KREMEN1: variants seen among roughly 807,000 people sequenced by gnomAD.
The protein encoded by KREMEN1 is kremen protein 1.
Under a neutral mutation model 46.5 loss-of-function variants are expected in KREMEN1, and 30 were observed. The ratio of observed to expected loss-of-function variants is 0.65; its 90% confidence interval spans 0.48 to 0.88. The LOEUF (loss-of-function observed/expected upper bound fraction) is 0.88, where lower values mean the gene tolerates loss of function less well. Among genes scored for constraint, KREMEN1 ranks in the 40% least tolerant of loss-of-function variants. The probability of loss-of-function intolerance (pLI) is 0.00; values close to 1 mark genes in which losing one functional copy is unlikely to be tolerated. For missense variants in KREMEN1, 533 were observed against 596.9 expected (o/e 0.89, Z 1.11); for synonymous variants, 214 against 230.6 (o/e 0.93, Z 0.65).
At chr22:29,100,951 T>C (rs915084085) in intron 3 of KREMEN1, among the ~76,000 whole-genome samples, 1 of 152,050 alleles carries the variant, frequency 6.6e-6, no homozygotes, top group Admixed American at 6.6e-5. Flanking sequence ...GAAAAAACCT[T>C]ATAGAAGAAA....
chr22:29,126,129 G>C (rs1407332157), intron 5 of KREMEN1, among the ~76,000 whole-genome samples: 1 of 150,792 alleles, frequency 6.6e-6, no homozygotes, highest in Non-Finnish European at 1.5e-5. Context: ...AAAAAAAAAA[G>C]GCTCGAGATT....
In KREMEN1 at chr22:29,142,220, G is replaced by GTCTTTTT. The variant is rs2038775530; in HGVS notation, c.*108_*109insTCTTTTT. The GTCTTTTT allele has an allele frequency of 7.1e-7, 1 of 1,405,846 alleles. No homozygotes were observed. The highest frequency in any genetic ancestry group is 1.5e-5 in the African/African-American group (1 of 67,936). 87.1% of individuals were successfully genotyped at this position (1,405,846 alleles called of 1,614,324 possible). On this transcript the variant is annotated 3_prime_UTR_variant, in exon 9 of 9. Transcript: ENST00000400335. Reference sequence around the variant, plus strand: ...CAGACTCTTCCCCTCCTCTCCCTCTGCCTCGGCCTCTTCGGGGAAACCCTC... The same window carrying GTCTTTTT: ...CAGACTCTTCCCCTCCTCTCCCTCTGTCTTTTTCCTCGGCCTCTTCGGGGAAACCCTC...
At chr22:29,122,940 CAAAAAAAAAAAAAA>C (rs140855395) in intron 4 of KREMEN1, among the ~76,000 whole-genome samples, 2 of 56,406 alleles carry the variant, frequency 3.5e-5, no homozygotes, top group Admixed American at 3.0e-4. Context: ...GACTCTGTCT[CAAAAAAAAAAAAAA>C]AAAAAAAAAA....
chr22:29,150,356 G>C (rs1163499310), downstream of KREMEN1, among the ~76,000 whole-genome samples: 1 of 152,222 alleles, frequency 6.6e-6, no homozygotes, highest in Non-Finnish European at 1.5e-5. Context: ...AAACCCGTTA[G>C]CTCTGGGTGA....
downstream of KREMEN1, among the ~76,000 whole-genome samples, chr22:29,147,069 G>GTGAC (rs1411314827): frequency 2.6e-5 from 4 of 152,168 alleles, no homozygotes; most frequent in Non-Finnish European, 5.9e-5. Context: ...CATCCAAGGA[G>GTGAC]GGTCAGGGCA....
downstream of KREMEN1, among the ~76,000 whole-genome samples, chr22:29,148,746 C>T (rs149466264): frequency 1.4e-4 from 22 of 152,254 alleles, no homozygotes; most frequent in Admixed American, 5.9e-4. Context: ...TGAGCCACCG[C>T]GCCTGGTGAG....
At chr22:29,080,859 C>T (rs1024103121) in intron 1 of KREMEN1, among the ~76,000 whole-genome samples, 3 of 152,026 alleles carry the variant, frequency 2.0e-5, no homozygotes, top group Non-Finnish European at 2.9e-5. Context: ...AGGAGAGCCC[C>T]CACGCCAAAG....
In KREMEN1 at chr22:29,142,749, C is replaced by T. The variant is rs2038785662; in HGVS notation, c.*637C>T. ...AGGGTCTGAGAATAAGATCTAGTGA[C>T]CCCCATTTATATCAAACCTGATACC... On this transcript the variant is annotated 3_prime_UTR_variant, in exon 9 of 9. Transcript: ENST00000400335. 1 of 985,284 alleles carries T rather than the reference C, an allele frequency of 1.0e-6. No individual in the cohort carries two copies. The highest frequency in any genetic ancestry group is 1.2e-6 in the Non-Finnish European group (1 of 829,920). The allele number at this position is 985,284 out of a possible 1,614,324, so 61.0% of individuals were successfully genotyped here.
chr22:29,106,647 C>A (rs1278131339), intron 3 of KREMEN1, among the ~76,000 whole-genome samples: 5 of 152,142 alleles, frequency 3.3e-5, no homozygotes, highest in Non-Finnish European at 4.4e-5. Context: ...ACCAGGACTC[C>A]TGATAGCTAG....
intron 5 of KREMEN1, among the ~76,000 whole-genome samples, chr22:29,131,560 A>ATATATATATATATATGTG (rs1240832937): frequency 4.3e-5 from 3 of 69,974 alleles, no homozygotes; most frequent in African/African-American, 8.4e-5. Context: ...ATATATATAT[A>ATATATATATATATATGTG]TGTGTGTGTG....
In KREMEN1 at chr22:29,144,562, G is replaced by A. The variant is rs545504528; in HGVS notation, c.*2450G>A. On this transcript the variant is annotated 3_prime_UTR_variant, in exon 9 of 9. Transcript: ENST00000400335. ...AGGACCGCTGGAAACATACCAACACGTGCAGTCTCCCCTCCAAGCTATTCA... is the reference window on the plus strand; with the variant it reads ...AGGACCGCTGGAAACATACCAACACATGCAGTCTCCCCTCCAAGCTATTCA... 2.2e-4 allele frequency: 217 copies of A among 985,536 alleles called. 1 individual carries two copies. In the African/African-American group the frequency reaches 2.9e-3, roughly 13 times the overall value. The allele number at this position is 985,536 out of a possible 1,614,324, so 61.0% of individuals were successfully genotyped here.
At chr22:29,109,585 G>T (rs994334168) in intron 3 of KREMEN1, among the ~76,000 whole-genome samples, 5 of 152,294 alleles carry the variant, frequency 3.3e-5, no homozygotes, top group Middle Eastern at 3.4e-3. Flanking sequence ...TGAGTGTGTG[G>T]GTTGGGATCC....
In KREMEN1 at chr22:29,143,698, C is replaced by T. The variant is rs1167642094; in HGVS notation, c.*1586C>T. ...CGGAGCTTGCAGTGAGCAGAGATCA[C>T]GCCACTGCACTCCAGCCTGGGTGAC... On this transcript the variant is annotated 3_prime_UTR_variant, in exon 9 of 9. Coordinates refer to ENST00000400335, the MANE Select transcript of KREMEN1 (RefSeq NM_001039570.3). 12 of 913,378 alleles carry T rather than the reference C, an allele frequency of 1.3e-5. No homozygotes were observed. The highest frequency in any genetic ancestry group is 1.4e-5 in the Non-Finnish European group (11 of 765,258). The allele number at this position is 913,378 out of a possible 1,614,324, so 56.6% of individuals were successfully genotyped here.
In KREMEN1 at chr22:29,073,266, A is replaced by T; in HGVS notation, c.97+39A>T. 1.1e-6 allele frequency: 1 copy of T among 946,032 alleles called. No homozygotes were observed. The highest frequency in any genetic ancestry group is 1.3e-6 in the Non-Finnish European group (1 of 748,518). The allele number at this position is 946,032 out of a possible 1,614,324, so 58.6% of individuals were successfully genotyped here. On this transcript the variant is annotated intron_variant, in intron 1 of 8. Coordinates refer to ENST00000400335, the MANE Select transcript of KREMEN1 (RefSeq NM_001039570.3). The surrounding 1 kb of genome is among the most constrained non-coding windows in gnomAD (Gnocchi z 4.4). ...ACCCCCCGCCGCCCGCCCTGAGCGG[A>T]GCCCACTCGAGGGGCGACAAGGGCC...
At chr22:29,085,790 T>C (rs760848793) in intron 1 of KREMEN1, among the ~76,000 whole-genome samples, 50 of 152,232 alleles carry the variant, frequency 3.3e-4, no homozygotes, top group Admixed American at 1.3e-3. Flanking sequence ...GCCTAGACAA[T>C]GTAGACCCCA....
downstream of KREMEN1, among the ~76,000 whole-genome samples, chr22:29,147,669 C>T (rs934632349): frequency 3.3e-5 from 5 of 152,150 alleles, no homozygotes; most frequent in Admixed American, 6.5e-5. Flanking sequence ...CAGATCTGAG[C>T]GGGGTAAGAC....
intron 5 of KREMEN1, among the ~76,000 whole-genome samples, chr22:29,126,115 C>A (rs1258770048): frequency 6.3e-5 from 9 of 143,568 alleles, no homozygotes; most frequent in African/African-American, 1.3e-4. Context: ...TGGAGGCAGA[C>A]AAAAAAAAAA....
At chr22:29,108,065 C>A (rs1250217715) in intron 3 of KREMEN1, among the ~76,000 whole-genome samples, 1 of 152,174 alleles carries the variant, frequency 6.6e-6, no homozygotes, top group African/African-American at 2.4e-5. Context: ...ATGGGCAGAT[C>A]GCTTGAGCCC....
At chr22:29,122,722 G>T (rs5752869) in intron 4 of KREMEN1, among the ~76,000 whole-genome samples, 3 of 151,518 alleles carry the variant, frequency 2.0e-5, no homozygotes, top group Non-Finnish European at 4.4e-5. Flanking sequence ...GGTGGATCAC[G>T]AGGTCAGGAG....
Sources: gnomAD v4.1 joint callset for allele counts (sites outside exome capture counted in the v4.1 genomes callset) on GRCh38, gnomAD v4.1.1 for gene constraint, Gnocchi (gnomAD v3.1) non-coding constraint, MANE v1.5 for transcripts, NCBI Gene and HGNC (gene_info 2026-07-23, HGNC 2026-07-21) for gene names.